Variants in PTPRR observed in about 807,000 individuals in gnomAD.
The protein encoded by PTPRR is protein tyrosine phosphatase receptor type R, also known as receptor-type tyrosine-protein phosphatase R.
PTPRR carries 38 observed loss-of-function variants against 77.2 expected under a neutral mutation model. The ratio of observed to expected loss-of-function variants is 0.49; its 90% CI spans 0.38 to 0.65. The LOEUF is 0.65. PTPRR is among the 30% of genes least tolerant of loss of function. The probability of loss-of-function intolerance (pLI) is 0.00; values close to 1 mark genes in which losing one functional copy is unlikely to be tolerated. For missense variants in PTPRR, 744 were observed against 799.2 expected, an observed-to-expected ratio of 0.93 and a Z score of 0.83; for synonymous variants, 299 against 283.1, an observed-to-expected ratio of 1.06 and a Z score of -0.57.
Position 70,719,545 on chromosome 12 carries a change from A to T in PTPRR, c.1008-18222T>A, listed in dbSNP as rs58815992. On this transcript the variant is annotated intron_variant, in intron 6 of 13. Coordinates refer to ENST00000283228, the MANE Select transcript of PTPRR (RefSeq NM_002849.4). ...AAGGGGAGCAAAAGGGCAAAAAAAA[A>T]AATCATTTTTTTAAAAAAATAATGA... 6.7e-3 allele frequency among the ~76,000 whole-genome samples: 1,021 copies of T among 152,272 alleles called. 13 individuals are homozygous for T. The highest frequency in any genetic ancestry group is 0.023 in the African/African-American group (976 of 41,550).
chr12:70,782,475 G>A (rs1891223726), intron 2 of PTPRR, among the ~76,000 whole-genome samples: 1 of 152,042 alleles, frequency 6.6e-6, no homozygotes, highest in South Asian at 2.1e-4. Context: ...TTAAGAAAAT[G>A]TGGCACATAT....
chr12:70,680,143 CA>C lies in PTPRR; in HGVS notation c.1497+3983del, dbSNP rs1375789455. 1.3e-4 allele frequency among the ~76,000 whole-genome samples: 20 copies of C among 152,236 alleles called. No individual in the cohort carries two copies. The South Asian group carries it at 2.7e-3, about 21-fold the overall frequency. On this transcript the variant is annotated intron_variant, in intron 10 of 13. Transcript: ENST00000283228. ...ATAACAACTTAACTTTGGTCACATA[CA>C]AATATTCTAGACTTTCCCTTCCCCC...
chr12:70,880,260 T>C (rs1175199516), intron 2 of PTPRR, among the ~76,000 whole-genome samples: 1 of 152,160 alleles, frequency 6.6e-6, no homozygotes, highest in African/African-American at 2.4e-5. Context: ...GTATCACTTT[T>C]TTTTATAAAC....
At chr12:70,788,726 A>G (rs999083854) in intron 2 of PTPRR, 1 of 883,532 alleles carries the variant, frequency 1.1e-6, no homozygotes, top group African/African-American at 1.7e-5. Flanking sequence ...ATTTACATGA[A>G]CAGATATAGA....
At chr12:70,887,149 T>C (rs993788642) in intron 2 of PTPRR, among the ~76,000 whole-genome samples, 1 of 152,278 alleles carries the variant, frequency 6.6e-6, no homozygotes. Context: ...CCAAGCTGTC[T>C]GTTAAAAATT....
intron 7 of PTPRR, among the ~76,000 whole-genome samples, chr12:70,698,634 T>C (rs925518321): frequency 6.6e-6 from 1 of 152,194 alleles, no homozygotes; most frequent in Non-Finnish European, 1.5e-5. Context: ...TGCTGTGACA[T>C]AATTGCTAGA....
chr12:70,705,648 C>T (rs534079983), intron 6 of PTPRR, among the ~76,000 whole-genome samples: 5 of 151,492 alleles, frequency 3.3e-5, no homozygotes, highest in South Asian at 2.1e-4. Flanking sequence ...GAAATGAGAA[C>T]GGAAAAATAT....
chr12:70,780,694 C>T (rs1565694439), intron 2 of PTPRR, among the ~76,000 whole-genome samples: 1 of 152,162 alleles, frequency 6.6e-6, no homozygotes, highest in Non-Finnish European at 1.5e-5. Context: ...TGGCTTTCCC[C>T]TTTACATGAT....
At chr12:70,732,909 T>C (rs377033124) in intron 6 of PTPRR, among the ~76,000 whole-genome samples, 1 of 152,166 alleles carries the variant, frequency 6.6e-6, no homozygotes, top group East Asian at 1.9e-4. Context: ...TAAAATTAAC[T>C]TGATGTCCAA....
intron 2 of PTPRR, among the ~76,000 whole-genome samples, chr12:70,827,552 T>C (rs897227114): frequency 1.3e-5 from 2 of 151,176 alleles, no homozygotes; most frequent in Non-Finnish European, 2.9e-5. Flanking sequence ...TTCTTTCTTT[T>C]TTTTTTTCTT....
chr12:70,818,492 T>G (rs558399989), intron 2 of PTPRR, among the ~76,000 whole-genome samples: 13 of 152,306 alleles, frequency 8.5e-5, no homozygotes, highest in Admixed American at 5.2e-4. Flanking sequence ...ATTTAGAATC[T>G]AATATTATTT....
chr12:70,759,982 A>G (rs1890656120), intron 4 of PTPRR, among the ~76,000 whole-genome samples: 1 of 152,180 alleles, frequency 6.6e-6, no homozygotes, highest in Admixed American at 6.5e-5. Flanking sequence ...GCAGGAAAGA[A>G]AACACATTGG....
intron 6 of PTPRR, among the ~76,000 whole-genome samples, chr12:70,706,044 A>C (rs1888607794): frequency 6.6e-6 from 1 of 151,258 alleles, no homozygotes; most frequent in South Asian, 2.1e-4. Context: ...GGAAAAAAAA[A>C]ACAAGTTTTT....
rs191951131 is a variant in PTPRR at position 70,720,522 on chromosome 12, T to A, written c.1008-19199A>T. On this transcript the variant is annotated intron_variant, in intron 6 of 13. Coordinates refer to ENST00000283228, the MANE Select transcript of PTPRR (RefSeq NM_002849.4). ...GTTACCCTGGTAATTTTTTTTTTTT[T>A]TTTTTTTGAGACAGGGTCTTGCTCT... Among the ~76,000 whole-genome samples the A allele has an allele frequency of 9.5e-3, 1,443 of 151,542 alleles. 19 individuals are homozygous for A. Among genetic ancestry groups the A allele is most frequent in the African/African-American group, 0.033 (1,356 of 41,310 alleles).
At chr12:70,763,850 T>A (rs146322691) in intron 3 of PTPRR, among the ~76,000 whole-genome samples, 76 of 152,286 alleles carry the variant, frequency 5.0e-4, no homozygotes, top group Non-Finnish European at 9.0e-4. Context: ...TTACTTTTTT[T>A]TTGGCCTTTG....
chr12:70,836,540 C>G (rs1892307877), intron 2 of PTPRR, among the ~76,000 whole-genome samples: 1 of 151,928 alleles, frequency 6.6e-6, no homozygotes, highest in Admixed American at 6.6e-5. Context: ...CAACCATACC[C>G]CATGTAATCT....
chr12:70,756,265 C>T (rs888544801), intron 4 of PTPRR, among the ~76,000 whole-genome samples: 4 of 151,782 alleles, frequency 2.6e-5, no homozygotes, highest in Admixed American at 6.6e-5. Context: ...CCCTCCCATC[C>T]CCCACTCCCA....
chr12:70,895,838 T>C (rs987628360), intron 1 of PTPRR, among the ~76,000 whole-genome samples: 5 of 151,730 alleles, frequency 3.3e-5, no homozygotes, highest in African/African-American at 4.8e-5. Flanking sequence ...TTTATGAATA[T>C]ACTCAAGTAA....
intron 6 of PTPRR, among the ~76,000 whole-genome samples, chr12:70,728,015 C>CT (rs1032064808): frequency 4.1e-5 from 6 of 147,072 alleles, no homozygotes; most frequent in African/African-American, 1.5e-4. Flanking sequence ...CCAGGCCCCA[C>CT]TAGCCTACCT....
Sources: gnomAD v4.1 joint callset for allele counts (sites outside exome capture counted in the v4.1 genomes callset) on GRCh38, gnomAD v4.1.1 for gene constraint, MANE v1.5 for transcripts, NCBI Gene and HGNC (gene_info 2026-07-23, HGNC 2026-07-21) for gene names.